FAM83B: variants seen among roughly 807,000 people sequenced by gnomAD.
The protein encoded by FAM83B is protein FAM83B.
A neutral mutation model predicts 38.8 loss-of-function variants in FAM83B; 26 were observed. The ratio of observed to expected loss-of-function variants is 0.67; its 90% CI spans 0.49 to 0.93. FAM83B has a LOEUF of 0.93. Ranked by LOEUF, FAM83B falls within the 40% of genes least tolerant of loss-of-function variation. The pLI is 0.00. For synonymous variants in FAM83B, 419 were observed against 423.1 expected (o/e 0.99, Z 0.12); for missense variants, 1,237 against 1,197.3 (o/e 1.03, Z -0.49).
At position 54,941,181 on chromosome 6, in the gene FAM83B, C is replaced by A; in HGVS notation, c.2210C>A (p.Ser737Ter). The change falls in exon 5 of 5, where the codon TCA (serine) becomes TAA (stop). Residue 737 changes from serine (S) to a stop codon, truncating the protein, a stop_gained. Transcript: ENST00000306858. LOFTEE classifies it high-confidence loss of function. The stretch of plus-strand genomic sequence containing the variant: ...TCTCCAAGTGGCACTACTACCAAAT[C>A]AGTTTCCATTGCTGCTTTACTTGAT... ...RNSPSGTTTK[S>*]VSIAALLDVN... 6.2e-7 allele frequency: 1 copy of A among 1,614,046 alleles called. No individual in the cohort carries two copies. The highest frequency in any genetic ancestry group is 8.5e-7 in the Non-Finnish European group (1 of 1,179,986).
At chr6:54,906,164 G>A (rs1772772479) in intron 2 of FAM83B, among the ~76,000 whole-genome samples, 1 of 151,720 alleles carries the variant, frequency 6.6e-6, no homozygotes, top group Non-Finnish European at 1.5e-5. Context: ...CTATTTAAAT[G>A]GCATTTTCAA....
intron 4 of FAM83B, among the ~76,000 whole-genome samples, chr6:54,932,007 C>CTTTTTTT (rs377085448): frequency 2.2e-5 from 2 of 89,196 alleles, no homozygotes; most frequent in African/African-American, 5.2e-5. Flanking sequence ...TTACATAAAA[C>CTTTTTTT]TTTTTTTTTT....
At chr6:54,911,800 T>C (rs769484289) in intron 2 of FAM83B, among the ~76,000 whole-genome samples, 6 of 152,142 alleles carry the variant, frequency 3.9e-5, no homozygotes, top group African/African-American at 1.4e-4. Context: ...TCTCAAAATA[T>C]TTCATTTGCC....
intron 4 of FAM83B, among the ~76,000 whole-genome samples, chr6:54,931,246 G>T (rs1461110944): frequency 1.3e-5 from 2 of 152,164 alleles, no homozygotes; most frequent in Non-Finnish European, 2.9e-5. Context: ...ATGTGTACTT[G>T]AGAAGAATGT....
intron 1 of FAM83B, among the ~76,000 whole-genome samples, chr6:54,861,718 A>G (rs1444518936): frequency 6.6e-6 from 1 of 152,174 alleles, no homozygotes; most frequent in African/African-American, 2.4e-5. Context: ...CCAGACAGAA[A>G]GGTCCAGCTG....
intron 4 of FAM83B, among the ~76,000 whole-genome samples, chr6:54,932,985 AT>A (rs574411561): frequency 5.3e-5 from 8 of 151,928 alleles, no homozygotes; most frequent in Non-Finnish European, 1.0e-4. Context: ...TTGTATGTCA[AT>A]TTTTTTTCCT....
In FAM83B at chr6:54,868,875, A is replaced by C. The variant is rs144614217; in HGVS notation, c.-60-1312A>C. Among the ~76,000 whole-genome samples the C allele has an allele frequency of 2.5e-3, 379 of 152,328 alleles. 1 individual carries two copies. The highest frequency in any genetic ancestry group is 8.7e-3 in the African/African-American group (360 of 41,576). On this transcript the variant is annotated intron_variant, in intron 1 of 4. Coordinates refer to ENST00000306858, the MANE Select transcript of FAM83B (RefSeq NM_001010872.3). Reference sequence around the variant, plus strand: ...TTCTTTGTAAAACTTCTGAGCCCAGAGATAGGAACAGGATTGTCTCCACTA... The same window carrying C: ...TTCTTTGTAAAACTTCTGAGCCCAGCGATAGGAACAGGATTGTCTCCACTA...
At chr6:54,898,811 C>G (rs1045344414) in intron 2 of FAM83B, among the ~76,000 whole-genome samples, 12 of 152,152 alleles carry the variant, frequency 7.9e-5, no homozygotes, top group African/African-American at 2.7e-4. Flanking sequence ...GCCACATGCT[C>G]TACTTTAGGC....
rs239806 is a variant in FAM83B at position 54,943,231 on chromosome 6, T to C, written c.*1224T>C. 97,816 of 152,050 alleles carry C rather than the reference T, an allele frequency of 0.64. 33,305 individuals are homozygous for C. The highest frequency in any genetic ancestry group is 0.89 in the East Asian group (4,583 of 5,160). 9.4% of individuals were successfully genotyped at this position (152,050 alleles called of 1,614,324 possible). The stretch of plus-strand genomic sequence containing the variant: ...ATATGATATGACTGCATAGTGTTTT[T>C]GTAAGAATACCATTGGGAAAATGAG... On this transcript the variant is annotated 3_prime_UTR_variant, in exon 5 of 5. Transcript: ENST00000306858.
intron 2 of FAM83B, among the ~76,000 whole-genome samples, chr6:54,892,873 A>T (rs1036607114): frequency 1.7e-4 from 26 of 152,100 alleles, no homozygotes; most frequent in African/African-American, 5.3e-4. Flanking sequence ...AATGAGTAGA[A>T]CATAGCAGAA....
chr6:54,911,140 CGT>C (rs138421344), intron 2 of FAM83B, among the ~76,000 whole-genome samples: 102 of 147,368 alleles, frequency 6.9e-4, no homozygotes, highest in Middle Eastern at 3.4e-3. Flanking sequence ...TGACACACAG[CGT>C]GTGTGTGTGT....
At chr6:54,886,822 T>TTATAA (rs1235251894) in intron 2 of FAM83B, among the ~76,000 whole-genome samples, 1 of 152,044 alleles carries the variant, frequency 6.6e-6, no homozygotes, top group Non-Finnish European at 1.5e-5. Flanking sequence ...GTGTTTTAGT[T>TTATAA]TATAATATGT....
At chr6:54,932,007 CTTTTTTTTT>C (rs377085448) in intron 4 of FAM83B, among the ~76,000 whole-genome samples, 1 of 89,188 alleles carries the variant, frequency 1.1e-5, no homozygotes, top group Non-Finnish European at 2.0e-5. Flanking sequence ...TTACATAAAA[CTTTTTTTTT>C]TTTTTTTTTT....
intron 1 of FAM83B, among the ~76,000 whole-genome samples, chr6:54,867,792 A>G (rs1161896690): frequency 6.6e-6 from 1 of 152,136 alleles, no homozygotes; most frequent in East Asian, 1.9e-4. Flanking sequence ...AAAGTACTTT[A>G]TGCATTTTAA....
At position 54,941,293 on chromosome 6, in the gene FAM83B, G is replaced by A; in HGVS notation, c.2322G>A (p.Lys774=). Residue 774 remains lysine (K), a synonymous_variant, in exon 5 of 5, where the codon AAG becomes AAA. Transcript: ENST00000306858. ...SPSFLKKGSQ[K]LRSLLSLTPD... ...GTTTTTTGAAAAAGGGGTCTCAGAA[G>A]TTAAGGTCATTACTTAGCCTTACCC... is the stretch of plus-strand genomic sequence containing the variant. The A allele has an allele frequency of 6.2e-7, 1 of 1,611,086 alleles. No homozygotes were observed. Among genetic ancestry groups the A allele is most frequent in the Non-Finnish European group, 8.5e-7 (1 of 1,179,276 alleles).
At chr6:54,896,315 A>G (rs1772532625) in intron 2 of FAM83B, among the ~76,000 whole-genome samples, 1 of 152,256 alleles carries the variant, frequency 6.6e-6, no homozygotes. Context: ...ACCTTGTAGC[A>G]TCCATCTCGA....
intron 2 of FAM83B, among the ~76,000 whole-genome samples, chr6:54,891,345 A>C (rs1054648252): frequency 2.7e-5 from 4 of 147,312 alleles, no homozygotes; most frequent in Non-Finnish European, 6.0e-5. Context: ...TAATTCTCTT[A>C]CCATTGGTTT....
intron 2 of FAM83B, among the ~76,000 whole-genome samples, chr6:54,924,170 T>A (rs1157850104): frequency 7.0e-6 from 1 of 142,748 alleles, no homozygotes; most frequent in African/African-American, 2.6e-5. Context: ...CTTTTTATGG[T>A]CAAACAGTAT....
chr6:54,861,322 A>G (rs895680760), intron 1 of FAM83B, among the ~76,000 whole-genome samples: 25 of 152,354 alleles, frequency 1.6e-4, no homozygotes, highest in Admixed American at 2.6e-4. Flanking sequence ...TGGGAAGCCA[A>G]GATGAATGGA....
Sources: gnomAD v4.1 joint callset for allele counts (sites outside exome capture counted in the v4.1 genomes callset) on GRCh38, gnomAD v4.1.1 for gene constraint, MANE v1.5 for transcripts, NCBI Gene and HGNC (gene_info 2026-07-23, HGNC 2026-07-21) for gene names.